Variants in DYSF observed in about 807,000 individuals in gnomAD.
DYSF encodes the protein dystrophy-associated fer-1-like 1.
Under a neutral mutation model 274.9 loss-of-function variants are expected in DYSF, and 212 were observed. The ratio of observed to expected loss-of-function variants is 0.77; its 90% CI spans 0.69 to 0.86. DYSF has a LOEUF of 0.86. Ranked by LOEUF, DYSF falls within the 40% of genes least tolerant of loss-of-function variation. The pLI, the probability that DYSF is intolerant of heterozygous loss-of-function variation, is 0.00. For synonymous variants in DYSF, 1,091 were observed against 1,078.7 expected (o/e 1.01, Z -0.22); for missense variants, 2,666 against 2,783.2 (o/e 0.96, Z 0.95).
intron 3 of DYSF, among the ~76,000 whole-genome samples, chr2:71,490,272 T>C (rs2083726467): frequency 6.6e-6 from 1 of 152,228 alleles, no homozygotes; most frequent in Non-Finnish European, 1.5e-5. Context: ...GTACAAGTTC[T>C]CCCATCTTCT....
chr2:71,602,930 C>G, intron 36 of DYSF, 125 bp downstream of exon 36: 1 of 1,186,832 alleles, frequency 8.4e-7, no homozygotes, highest in Non-Finnish European at 1.2e-6. Flanking sequence ...ACATGGAGAC[C>G]TGTCTGGATT....
Position 71,561,726 on chromosome 2 carries a change from G to A in DYSF, c.2217-26G>A, listed in dbSNP as rs190557937. 3.4e-4 allele frequency: 541 copies of A among 1,613,818 alleles called. 1 individual carries two copies. Among genetic ancestry groups the A allele is most frequent in the Non-Finnish European group, 4.1e-4 (486 of 1,179,742 alleles). On this transcript the variant is annotated intron_variant, in intron 22 of 55. Coordinates refer to ENST00000410020, the MANE Select transcript of DYSF (RefSeq NM_001130987.2). ...TGGGAGAGCCCTGGGCTCATCAGGCGCATTCCATCTGTCCGTCCCTCACAG... is the reference window on the plus strand; with the variant it reads ...TGGGAGAGCCCTGGGCTCATCAGGCACATTCCATCTGTCCGTCCCTCACAG...
intron 51 of DYSF, among the ~76,000 whole-genome samples, chr2:71,672,180 C>CGGCCGAAGGCGGAGACAGAAACTGGCTT (rs1157411074): frequency 6.6e-6 from 1 of 151,768 alleles, no homozygotes. Flanking sequence ...GAAACTGGCT[C>CGGCCGAAGGCGGAGACAGAAACTGGCTT]GGCCGAAGGC....
chr2:71,478,533 A>G (rs1027384271), intron 1 of DYSF, among the ~76,000 whole-genome samples: 2 of 152,168 alleles, frequency 1.3e-5, no homozygotes, highest in African/African-American at 2.4e-5. Flanking sequence ...ATAATTTTTA[A>G]GAGTGACATC....
intron 40 of DYSF, among the ~76,000 whole-genome samples, chr2:71,618,314 G>T (rs1574393838): frequency 2.5e-5 from 3 of 122,080 alleles, no homozygotes; most frequent in Non-Finnish European, 5.0e-5. Flanking sequence ...TGGTGTGTGT[G>T]TGTGTGGTAG....
intron 3 of DYSF, among the ~76,000 whole-genome samples, chr2:71,491,107 G>C (rs1282803703): frequency 6.6e-6 from 1 of 152,228 alleles, no homozygotes; most frequent in Admixed American, 6.5e-5. Context: ...ATTTTTGCTA[G>C]TAGAACGGAC....
rs145902288 is a variant in DYSF at position 71,638,131 on chromosome 2, T to A, written c.4528-5834T>A. Among the ~76,000 whole-genome samples, 242 of 152,242 alleles carry A rather than the reference T, an allele frequency of 1.6e-3. 1 individual carries two copies. Among genetic ancestry groups the A allele is most frequent in the Admixed American group, 2.1e-3 (32 of 15,284 alleles). On this transcript the variant is annotated intron_variant, in intron 41 of 55. Transcript: ENST00000410020. ...GCTTGTTCTATTAAAAAAAAAAAAT[T>A]GAACTCTTATTTCCTTAGAAAGAAA...
intron 40 of DYSF, among the ~76,000 whole-genome samples, chr2:71,617,099 G>C (rs1400868882): frequency 6.6e-6 from 1 of 152,178 alleles, no homozygotes; most frequent in African/African-American, 2.4e-5. Context: ...TGCCCCCAGA[G>C]CCAGCTGGGT....
At chr2:71,630,708 A>T (rs2094298814) in intron 41 of DYSF, among the ~76,000 whole-genome samples, 1 of 152,182 alleles carries the variant, frequency 6.6e-6, no homozygotes, top group African/African-American at 2.4e-5. Context: ...CTGTAATTTG[A>T]ACTTTAGTGC....
At chr2:71,472,669 G>A (rs150821827) in intron 1 of DYSF, among the ~76,000 whole-genome samples, 1 of 152,206 alleles carries the variant, frequency 6.6e-6, no homozygotes, top group African/African-American at 2.4e-5. Context: ...GCCTCCCAAA[G>A]TGCTGGGATT....
intron 12 of DYSF, among the ~76,000 whole-genome samples, chr2:71,521,659 G>A (rs953857144): frequency 4.6e-5 from 7 of 152,114 alleles, no homozygotes; most frequent in African/African-American, 1.7e-4. Context: ...CAGGGCCCCT[G>A]GGGTCTCCTG....
exon 1 of DYSF, chr2:71,453,891 C>T (rs1573205234): frequency 8.7e-7 from 1 of 1,145,534 alleles, no homozygotes; most frequent in Non-Finnish European, 1.3e-6. Flanking sequence ...CCGGCCTCGC[C>T]CAGCCAGCCC....
In DYSF at chr2:71,679,053, G is replaced by T. The variant is rs747361237; in HGVS notation, c.5885-4G>T. On this transcript the variant is annotated splice_polypyrimidine_tract_variant and splice_region_variant and intron_variant, in intron 52 of 55. Transcript: ENST00000410020. ...CTTGGCCAAAAACTACCTCTCTGTT[G>T]CAGGCTCCCTGCAGCTCGATCTCAA... 6.2e-7 allele frequency: 1 copy of T among 1,613,894 alleles called. No homozygotes were observed. Among genetic ancestry groups the T allele is most frequent in the South Asian group, 1.1e-5 (1 of 91,064 alleles).
intron 16 of DYSF, among the ~76,000 whole-genome samples, chr2:71,538,072 T>G (rs1470748711): frequency 2.0e-5 from 3 of 152,246 alleles, no homozygotes; most frequent in Non-Finnish European, 4.4e-5. Flanking sequence ...CGTCAGCATA[T>G]CTGGCCTCAA....
chr2:71,503,233 G>A lies in DYSF; in HGVS notation c.259G>A (p.Val87Ile). ...TCTCAGGTTCCTGGGGGAAGCCAAG[G>A]TCCCACTCCGAGAGGTCCTCGCCAC... Reference protein sequence around the residue: ...GRNRFLGEAKVPLREVLATPS... With the variant: ...GRNRFLGEAKIPLREVLATPS... Residue 87 changes from valine to isoleucine, a missense_variant, in exon 4 of 56, where the codon GTC becomes ATC. Transcript: ENST00000410020. The A allele has an allele frequency of 1.2e-6, 2 of 1,614,050 alleles. No homozygotes were observed. The highest frequency in any genetic ancestry group is 1.7e-5 in the Admixed American group (1 of 60,014).
At chr2:71,684,452 G>A (rs1019732548) in intron 55 of DYSF, among the ~76,000 whole-genome samples, 2 of 152,236 alleles carry the variant, frequency 1.3e-5, no homozygotes, top group African/African-American at 2.4e-5. Flanking sequence ...ACGTGTGTGC[G>A]TCTGGGAGGT....
chr2:71,520,291 C>A, intron 11 of DYSF, 83 bp downstream of exon 11: 1 of 1,440,512 alleles, frequency 6.9e-7, no homozygotes, highest in Non-Finnish European at 9.8e-7. Flanking sequence ...TCCTCACTGT[C>A]CCTCCTGGGG....
chr2:71,665,926 G>C (rs559266263), intron 47 of DYSF, among the ~76,000 whole-genome samples: 51 of 152,298 alleles, frequency 3.3e-4, no homozygotes, highest in African/African-American at 1.1e-3. Flanking sequence ...ACTCCCCAGA[G>C]GTGTTTACAG....
At chr2:71,669,556 G>A in intron 50 of DYSF, 49 bp from the exon 51 acceptor site, 1 of 1,611,988 alleles carries the variant, frequency 6.2e-7, no homozygotes, top group Non-Finnish European at 8.5e-7. Flanking sequence ...TGTATATACT[G>A]TGTTGGAAAT....
Sources: gnomAD v4.1 joint callset for allele counts (sites outside exome capture counted in the v4.1 genomes callset) on GRCh38, gnomAD v4.1.1 for gene constraint, MANE v1.5 for transcripts, NCBI Gene and HGNC (gene_info 2026-07-23, HGNC 2026-07-21) for gene names.